The following KMT5B variants were observed in gnomAD, a reference collection of about 807,000 sequenced individuals.
The protein encoded by KMT5B is histone-lysine N-methyltransferase KMT5B.
KMT5B carries 10 observed loss-of-function variants against 83.2 expected under a neutral mutation model. The ratio of observed to expected loss-of-function variants is 0.12; its 90% CI spans 0.07 to 0.20. The LOEUF (loss-of-function observed/expected upper bound fraction) is 0.20, where lower values mean the gene tolerates loss of function less well. KMT5B is among the 10% of genes least tolerant of loss of function. The pLI is 1.00. For missense variants in KMT5B, 753 were observed against 1,067.2 expected, an observed-to-expected ratio of 0.71 and a Z score of 4.10; for synonymous variants, 349 against 388.8, an observed-to-expected ratio of 0.90 and a Z score of 1.20.
At chr11:68,213,304 C>A (rs1318999742), upstream of KMT5B, 2 of 147,940 alleles carry the variant, frequency 1.4e-5, no homozygotes, top group African/African-American at 4.9e-5. Flanking sequence ...GATGGCGGCG[C>A]GGGCCGCAGC....
At chr11:68,170,961 A>G (rs909725847) in intron 9 of KMT5B, 54 bp downstream of exon 9, 46 of 1,520,728 alleles carry the variant, frequency 3.0e-5, no homozygotes, top group African/African-American at 1.7e-4. Flanking sequence ...TAATCCCCAT[A>G]ATCAGGTTGT....
rs1193643507 is a variant in KMT5B, at chr11:68,158,465, C to T, written c.1881G>A (p.Glu627=). Residue 627 remains glutamate, a synonymous_variant, in exon 11 of 11, where the codon GAG becomes GAA. Transcript: ENST00000304363. ...GKLVKQFAKI[E]ESTPVHDSPG... is the part of the protein sequence containing the mutation. Reference sequence around the variant, plus strand: ...GAGAATCGTGCACTGGAGTAGATTCCTCTATTTTTGCAAACTGTTTCACAA... The same window carrying T: ...GAGAATCGTGCACTGGAGTAGATTCTTCTATTTTTGCAAACTGTTTCACAA... 5.0e-6 allele frequency: 8 copies of T among 1,613,962 alleles called. 1 individual carries two copies. The highest frequency in any genetic ancestry group is 3.3e-5 in the Admixed American group (2 of 59,990).
chr11:68,165,529 TCTTA>T (rs1233359504), intron 10 of KMT5B, among the ~76,000 whole-genome samples: 1 of 148,820 alleles, frequency 6.7e-6, no homozygotes, highest in African/African-American at 2.5e-5. Flanking sequence ...AAGACACAGG[TCTTA>T]CTATGTTGCC....
Position 68,158,700 on chromosome 11 carries a change from T to C in KMT5B, c.1646A>G (p.Lys549Arg), listed in dbSNP as rs3824853. The change falls in exon 11 of 11, where the codon AAG becomes AGG. Residue 549 changes from lysine (K) to arginine (R), a missense_variant. Lys to Arg is a conservative substitution (Grantham distance 26, BLOSUM62 2). Coordinates refer to ENST00000304363, the MANE Select transcript of KMT5B (RefSeq NM_017635.5). Reference protein sequence around the residue: ...RRSVRTRTNLKEASDIKLEPN... With the variant: ...RRSVRTRTNLREASDIKLEPN... ...TTCAAGCTTGATGTCAGAGGCCTCCTTCAGATTTGTTCTTGTCCTCACTGA... is the reference window on the plus strand; with the variant it reads ...TTCAAGCTTGATGTCAGAGGCCTCCCTCAGATTTGTTCTTGTCCTCACTGA... The C allele has an allele frequency of 6.2e-7, 1 of 1,614,082 alleles. No individual in the cohort carries two copies. The highest frequency in any genetic ancestry group is 1.6e-4 in the Middle Eastern group (1 of 6,062).
At position 68,159,148 on chromosome 11, in the gene KMT5B, C is replaced by T. The variant is rs1438983863; in HGVS notation, c.1198G>A (p.Gly400Ser). ...CTGCTCTTGCTATTCTTTTTTACGC[C>T]AACTGAAGATTTTCGGTTAGAAGCT... ...NATSNRKSSV[G>S]VKKNSKSRTL... is the part of the protein sequence containing the mutation. Residue 400 changes from glycine to serine, a missense_variant, in exon 11 of 11, where the codon GGC becomes AGC. This residue lies in a region of KMT5B where 397 missense variants were observed against 395.9 expected (regional missense o/e 1.00). Transcript: ENST00000304363. 2 of 1,572,982 alleles carry T rather than the reference C, an allele frequency of 1.3e-6. No homozygotes were observed. Among genetic ancestry groups the T allele is most frequent in the Non-Finnish European group, 1.7e-6 (2 of 1,167,002 alleles).
chr11:68,204,348 T>C (rs73509389), intron 1 of KMT5B, among the ~76,000 whole-genome samples: 3,050 of 152,190 alleles, frequency 0.02, 105 homozygotes, highest in African/African-American at 0.069. Context: ...ATAAAAGAGA[T>C]TATCCTAGAT....
At chr11:68,163,356 A>G (rs1855021835) in intron 10 of KMT5B, among the ~76,000 whole-genome samples, 1 of 152,238 alleles carries the variant, frequency 6.6e-6, no homozygotes, top group South Asian at 2.1e-4. Context: ...GGTGAATGGC[A>G]GAGATGGGAC....
intron 1 of KMT5B, among the ~76,000 whole-genome samples, chr11:68,190,679 T>C (rs1014372395): frequency 6.6e-6 from 1 of 152,234 alleles, no homozygotes; most frequent in Admixed American, 6.5e-5. Flanking sequence ...GGTTATAGAA[T>C]AAAGATATTT....
At position 68,206,255 on chromosome 11, in the gene KMT5B, T is replaced by C. The variant is rs183068983; in HGVS notation, c.-77+6883A>G. 4.0e-3 allele frequency among the ~76,000 whole-genome samples: 612 copies of C among 152,340 alleles called. 1 individual carries two copies. Among genetic ancestry groups the C allele is most frequent in the Middle Eastern group, 0.02 (6 of 294 alleles). On this transcript the variant is annotated intron_variant, in intron 1 of 10. Transcript: ENST00000304363. ...AGAAATAAAATCAAGGATGCTTTCTTTGTTACTGTTTTCTCTAGGACTCAA... is the reference window on the plus strand; with the variant it reads ...AGAAATAAAATCAAGGATGCTTTCTCTGTTACTGTTTTCTCTAGGACTCAA...
At chr11:68,178,807 T>A (rs985141990) in intron 4 of KMT5B, among the ~76,000 whole-genome samples, 4 of 146,714 alleles carry the variant, frequency 2.7e-5, no homozygotes, top group Non-Finnish European at 6.1e-5. Context: ...CTTAGGGAAA[T>A]TTTTTTTTTT....
chr11:68,173,755 G>T, intron 6 of KMT5B, 49 bp downstream of exon 6: 2 of 1,213,648 alleles, frequency 1.6e-6, no homozygotes, highest in Non-Finnish European at 1.2e-6. Context: ...CAATAATTTA[G>T]AAGAGAACTT....
chr11:68,163,317 C>T (rs908216917), intron 10 of KMT5B, among the ~76,000 whole-genome samples: 1 of 152,196 alleles, frequency 6.6e-6, no homozygotes, highest in Non-Finnish European at 1.5e-5. Context: ...CAAGCTTACA[C>T]GAACTAGCAT....
At position 68,194,353 on chromosome 11, in the gene KMT5B, G is replaced by C. The variant is rs181366479; in HGVS notation, c.-76-4201C>G. On this transcript the variant is annotated intron_variant, in intron 1 of 10. Coordinates refer to ENST00000304363, the MANE Select transcript of KMT5B (RefSeq NM_017635.5). The stretch of plus-strand genomic sequence containing the variant: ...ATTACAGGTGTGCACCACCATGCCC[G>C]CCTAATTTTTGTATTTTTTAGTAGA... Among the ~76,000 whole-genome samples the C allele has an allele frequency of 2.0e-5, 3 of 151,868 alleles. No homozygotes were observed. In the East Asian group the frequency reaches 5.8e-4, roughly 29 times the overall value.
chr11:68,207,190 G>C (rs1051747324), intron 1 of KMT5B, among the ~76,000 whole-genome samples: 1 of 151,036 alleles, frequency 6.6e-6, no homozygotes, highest in Non-Finnish European at 1.5e-5. Flanking sequence ...CTCCAGCCTC[G>C]GCGACAGAGC....
chr11:68,175,888 T>C (rs1388870238), intron 4 of KMT5B, among the ~76,000 whole-genome samples: 1 of 151,552 alleles, frequency 6.6e-6, no homozygotes, highest in Non-Finnish European at 1.5e-5. Flanking sequence ...ATACTGGTAA[T>C]GTAGGAAAAC....
chr11:68,197,753 T>C (rs1479518628), intron 1 of KMT5B, among the ~76,000 whole-genome samples: 1 of 152,222 alleles, frequency 6.6e-6, no homozygotes, highest in African/African-American at 2.4e-5. Context: ...AGAACATGGC[T>C]AAATTTCACT....
intron 1 of KMT5B, chr11:68,212,510 G>C (rs1405298799): frequency 6.6e-6 from 1 of 152,278 alleles, no homozygotes; most frequent in Non-Finnish European, 1.5e-5. Context: ...AATCCAGCAA[G>C]TTGCATCGAG....
rs756561039 is a variant in KMT5B at position 68,171,516 on chromosome 11, C to T, written c.820+27G>A. 20 of 1,608,824 alleles carry T rather than the reference C, an allele frequency of 1.2e-5. No homozygotes were observed. In the Admixed American group the frequency reaches 2.0e-4, roughly 16 times the overall value. On this transcript the variant is annotated intron_variant, in intron 7 of 10. Coordinates refer to ENST00000304363, the MANE Select transcript of KMT5B (RefSeq NM_017635.5). This position sits in a 1 kb window ranked among gnomAD's most constrained non-coding sequence, Gnocchi z 5.1. ...AGTTAGCAGGAATGGCCAACACTAG[C>T]GCCAACACCTTGGAAACACAGCTTA...
intron 1 of KMT5B, among the ~76,000 whole-genome samples, chr11:68,195,447 G>A (rs1242796118): frequency 2.0e-5 from 3 of 152,150 alleles, no homozygotes; most frequent in Non-Finnish European, 2.9e-5. Context: ...TTCTATAAAA[G>A]GTACAACACA....
Sources: allele counts gnomAD v4.1 joint callset (sites outside exome capture counted in the v4.1 genomes callset), GRCh38; gene constraint gnomAD v4.1.1; regional missense constraint gnomAD v4.1.1; non-coding constraint Gnocchi (gnomAD v3.1); transcripts MANE v1.5; gene names NCBI Gene and HGNC (gene_info 2026-07-23, HGNC 2026-07-21).